Variants in CAST observed in about 807,000 individuals in gnomAD.
The protein encoded by CAST is MIR583 host.
CAST carries 76 observed loss-of-function variants against 119.6 expected under a neutral mutation model. The ratio of observed to expected loss-of-function variants is 0.64; its 90% CI spans 0.53 to 0.77. The LOEUF (loss-of-function observed/expected upper bound fraction) is 0.77. CAST is among the 30% of genes least tolerant of loss of function. The pLI, the probability that CAST is intolerant of heterozygous loss-of-function variation, is 0.00. For synonymous variants in CAST, 319 were observed against 331.6 expected (o/e 0.96, Z 0.41); for missense variants, 953 against 946.5 (o/e 1.01, Z -0.09).
At chr5:96,700,770 G>T (rs1044572513) in intron 3 of CAST, among the ~76,000 whole-genome samples, 2 of 152,096 alleles carry the variant, frequency 1.3e-5, no homozygotes, top group African/African-American at 4.8e-5. Flanking sequence ...GCATTCCCAG[G>T]AGTTTCAGAT....
intron 1 of CAST, among the ~76,000 whole-genome samples, chr5:96,625,635 A>T (rs1385063839): frequency 1.3e-5 from 2 of 152,228 alleles, no homozygotes; most frequent in Admixed American, 6.5e-5. Context: ...TGTATGCAAA[A>T]TGTACTAGAA....
the CAST span, among the ~76,000 whole-genome samples, chr5:96,417,907 A>T: frequency 6.6e-6 from 1 of 152,184 alleles, no homozygotes; most frequent in East Asian, 1.9e-4. Context: ...GTACTTCCAG[A>T]AGTCACCACT....
At chr5:96,344,823 T>C in the CAST span, among the ~76,000 whole-genome samples, 93 of 152,278 alleles carry the variant, frequency 6.1e-4, no homozygotes, top group African/African-American at 1.3e-3. Flanking sequence ...CCAGGCTGAA[T>C]TATATTTCAA....
intron 1 of CAST, among the ~76,000 whole-genome samples, chr5:96,610,277 G>A (rs1003128933): frequency 6.6e-6 from 1 of 152,128 alleles, no homozygotes; most frequent in Non-Finnish European, 1.5e-5. Context: ...TACAGCCAGT[G>A]GAACCATAAG....
chr5:96,236,194 C>A, the CAST span, among the ~76,000 whole-genome samples: 1 of 152,020 alleles, frequency 6.6e-6, no homozygotes, highest in Non-Finnish European at 1.5e-5. Flanking sequence ...GAGTTGGCTC[C>A]TCTTGGGAAA....
chr5:96,342,815 C>T, the CAST span, among the ~76,000 whole-genome samples: 1 of 152,142 alleles, frequency 6.6e-6, no homozygotes. Flanking sequence ...GCCACAAACG[C>T]CCTGAGCCTA....
the CAST span, among the ~76,000 whole-genome samples, chr5:95,995,708 G>A: frequency 4.9e-4 from 74 of 152,186 alleles, 2 homozygotes; most frequent in East Asian, 0.012. Flanking sequence ...GAGCATTTAC[G>A]TATGATAAAG....
chr5:96,384,755 G>A, the CAST span, among the ~76,000 whole-genome samples: 4 of 152,290 alleles, frequency 2.6e-5, no homozygotes, highest in Admixed American at 6.5e-5. Flanking sequence ...CAAGTGAGCC[G>A]AGAGAACACT....
chr5:96,094,422 AC>A, the CAST span, among the ~76,000 whole-genome samples: 1 of 149,510 alleles, frequency 6.7e-6, no homozygotes, highest in Non-Finnish European at 1.5e-5. Flanking sequence ...CAGTAGGGTG[AC>A]CTTTTTTTTT....
chr5:96,023,854 A>C, the CAST span, among the ~76,000 whole-genome samples: 1 of 152,168 alleles, frequency 6.6e-6, no homozygotes, highest in African/African-American at 2.4e-5. Context: ...TTCCAACTTT[A>C]CTTTCAGAGG....
the CAST span, among the ~76,000 whole-genome samples, chr5:96,343,851 C>T: frequency 6.6e-6 from 1 of 152,174 alleles, no homozygotes; most frequent in African/African-American, 2.4e-5. Flanking sequence ...CTACTTTATC[C>T]TGCTCTACTG....
intron 16 of CAST, 61 bp downstream of exon 16, chr5:96,742,817 A>G: frequency 9.0e-7 from 1 of 1,105,626 alleles, no homozygotes; most frequent in South Asian, 1.3e-5. Flanking sequence ...AACCGAATGC[A>G]CTCTGCATGT....
At chr5:96,630,094 G>A (rs1038702823) in intron 1 of CAST, among the ~76,000 whole-genome samples, 2 of 152,200 alleles carry the variant, frequency 1.3e-5, no homozygotes, top group Non-Finnish European at 2.9e-5. Flanking sequence ...TATTTATGGA[G>A]CACTGTCCTA....
chr5:96,203,720 C>G, the CAST span, among the ~76,000 whole-genome samples: 1 of 151,946 alleles, frequency 6.6e-6, no homozygotes, highest in East Asian at 1.9e-4. Flanking sequence ...TCATGGATCA[C>G]TTGATTTTAT....
the CAST span, among the ~76,000 whole-genome samples, chr5:96,332,164 CCAAAACAAACAAAA>C: frequency 6.6e-6 from 1 of 152,122 alleles, no homozygotes; most frequent in African/African-American, 2.4e-5. Context: ...CCTTCTTCTC[CCAAAACAAACAAAA>C]CAAAACAAAC....
chr5:96,750,871 A>G (rs1401371449), intron 20 of CAST, among the ~76,000 whole-genome samples, 189 bp downstream of exon 20: 2 of 152,172 alleles, frequency 1.3e-5, no homozygotes, highest in African/African-American at 4.8e-5. Flanking sequence ...TAAGATTTAA[A>G]TTTTTAATTA....
At chr5:96,491,942 A>T in the CAST span, among the ~76,000 whole-genome samples, 1 of 152,196 alleles carries the variant, frequency 6.6e-6, no homozygotes, top group Non-Finnish European at 1.5e-5. Flanking sequence ...AAACAGGCAA[A>T]ACTAATGTAT....
chr5:96,364,563 C>A, the CAST span, among the ~76,000 whole-genome samples: 1 of 152,074 alleles, frequency 6.6e-6, no homozygotes, highest in Non-Finnish European at 1.5e-5. Flanking sequence ...AGGATGTATG[C>A]GTTCAGGAAT....
chr5:96,255,561 A>G, the CAST span, among the ~76,000 whole-genome samples: 1 of 107,542 alleles, frequency 9.3e-6, no homozygotes, highest in South Asian at 2.7e-4. Context: ...GTCAGTCCAA[A>G]TAACTTTTTT....
Sources: allele counts gnomAD v4.1 joint callset (sites outside exome capture counted in the v4.1 genomes callset), GRCh38; gene constraint gnomAD v4.1.1; transcripts MANE v1.5; gene names NCBI Gene and HGNC (gene_info 2026-07-23, HGNC 2026-07-21).